Variants in TULP4 observed in about 807,000 individuals in gnomAD.
TULP4 encodes the protein tubby-related protein 4.
TULP4 carries 16 observed loss-of-function variants against 129.0 expected under a neutral mutation model. The observed-to-expected ratio is 0.12, with a 90% CI of 0.08 to 0.19. The LOEUF (loss-of-function observed/expected upper bound fraction) is 0.19, where lower values mean the gene tolerates loss of function less well. TULP4 is among the 10% of genes least tolerant of loss of function. TULP4 has a pLI of 1.00. For synonymous variants in TULP4, 998 were observed against 854.0 expected, an observed-to-expected ratio of 1.17 and a Z score of -2.94; for missense variants, 1,842 against 2,059.1, an observed-to-expected ratio of 0.89 and a Z score of 2.04.
At chr6:158,289,827 C>A (rs1186483113) in intron 1 of TULP4, among the ~76,000 whole-genome samples, 1 of 152,068 alleles carries the variant, frequency 6.6e-6, no homozygotes. Flanking sequence ...GCAGTCCTCC[C>A]ACCCTGGCCT....
chr6:158,323,064 C>T (rs989882613), intron 1 of TULP4, among the ~76,000 whole-genome samples: 2 of 152,116 alleles, frequency 1.3e-5, no homozygotes, highest in African/African-American at 4.8e-5. Context: ...CACTTCGTTC[C>T]CCAGCCCCAA....
intron 1 of TULP4, among the ~76,000 whole-genome samples, chr6:158,267,442 C>G (rs1778466212): frequency 6.6e-6 from 1 of 152,116 alleles, no homozygotes; most frequent in Non-Finnish European, 1.5e-5. Flanking sequence ...ACAGAGTAAC[C>G]AAAGGAGGTT....
intron 1 of TULP4, among the ~76,000 whole-genome samples, chr6:158,296,476 G>C (rs1007892887): frequency 1.3e-5 from 2 of 152,058 alleles, no homozygotes; most frequent in African/African-American, 4.8e-5. Flanking sequence ...AAAAGGGAAG[G>C]GGGTGTAAGA....
chr6:158,282,485 T>C (rs1322140586), intron 1 of TULP4: 1 of 152,002 alleles, frequency 6.6e-6, no homozygotes, highest in Non-Finnish European at 1.5e-5. Flanking sequence ...ATTATAACCT[T>C]TGACTGAAAT....
chr6:158,433,511 G>A (rs375374341), intron 3 of TULP4, among the ~76,000 whole-genome samples: 4 of 152,108 alleles, frequency 2.6e-5, no homozygotes, highest in Admixed American at 2.0e-4. Flanking sequence ...TCAGGAGATC[G>A]AGACCATCCT....
chr6:158,240,177 C>G (rs1777846463), intron 1 of TULP4, among the ~76,000 whole-genome samples: 1 of 65,758 alleles, frequency 1.5e-5, no homozygotes, highest in Non-Finnish European at 3.5e-5. Context: ...GGCTGTCCCC[C>G]CCACCTCCCT....
chr6:158,484,265 G>T (rs1408075186), intron 8 of TULP4, among the ~76,000 whole-genome samples: 1 of 151,108 alleles, frequency 6.6e-6, no homozygotes, highest in Admixed American at 6.6e-5. Context: ...TTTAAAAGGA[G>T]GCAGGGTCTT....
At chr6:158,240,294 G>A (rs1310607638) in intron 1 of TULP4, among the ~76,000 whole-genome samples, 7 of 85,846 alleles carry the variant, frequency 8.2e-5, no homozygotes, top group African/African-American at 2.8e-4. Flanking sequence ...AGGGGTGGCC[G>A]GGCAGAGGCG....
At chr6:158,339,431 C>T (rs956874026) in intron 1 of TULP4, among the ~76,000 whole-genome samples, 64 of 152,290 alleles carry the variant, frequency 4.2e-4, no homozygotes, top group African/African-American at 1.5e-3. Context: ...AGCAGAGAAC[C>T]GGTCTGACTA....
At chr6:158,246,322 T>C (rs748737114) in intron 1 of TULP4, among the ~76,000 whole-genome samples, 4 of 151,890 alleles carry the variant, frequency 2.6e-5, no homozygotes, top group Non-Finnish European at 5.9e-5. Context: ...ACCCAGTCTC[T>C]ACTAAAAATA....
intron 9 of TULP4, among the ~76,000 whole-genome samples, chr6:158,490,942 G>C (rs1011837641): frequency 6.6e-6 from 1 of 152,104 alleles, no homozygotes; most frequent in Non-Finnish European, 1.5e-5. Flanking sequence ...GATATTTGTA[G>C]TTTCCAGTTT....
Position 158,479,944 on chromosome 6 carries a change from A to G in TULP4, c.1220A>G (p.Tyr407Cys), listed in dbSNP as rs780838821. ...KLTLPPRLCS[Y>C]LSTAFIPTIK... ...ACTCTGCCCCCCCGCCTCTGCTCCT[A>G]CCTCTCCACTGCCTTCATCCCCACC... Residue 407 changes from tyrosine (Y) to cysteine (C), a missense_variant, in exon 7 of 14, where the codon TAC becomes TGC. By Grantham distance (194) the Tyr-to-Cys change is radical. Transcript: ENST00000367097. 3.1e-6 allele frequency: 5 copies of G among 1,609,156 alleles called. No individual in the cohort carries two copies. The highest frequency in any genetic ancestry group is 1.1e-5 in the South Asian group (1 of 90,974).
chr6:158,285,584 A>G (rs185917128), intron 1 of TULP4, among the ~76,000 whole-genome samples: 29 of 152,176 alleles, frequency 1.9e-4, no homozygotes, highest in Admixed American at 1.7e-3. Flanking sequence ...CCACCCTGAG[A>G]TTCTCTCTGT....
intron 1 of TULP4, among the ~76,000 whole-genome samples, chr6:158,365,683 A>G (rs1459134944): frequency 1.1e-4 from 16 of 150,346 alleles, no homozygotes; most frequent in East Asian, 2.0e-4. Context: ...ATGTTAGCCA[A>G]TAGGGTCTCG....
At position 158,506,783 on chromosome 6, in the gene TULP4, C is replaced by T; in HGVS notation, c.*89C>T. On this transcript the variant is annotated 3_prime_UTR_variant, in exon 14 of 14. Transcript: ENST00000367097. Reference sequence around the variant, plus strand: ...GAGGAGCCCTCTAGGGGTCCGATGCCTGGGAGGACCAGAAGCCAACAGCAA... The same window carrying T: ...GAGGAGCCCTCTAGGGGTCCGATGCTTGGGAGGACCAGAAGCCAACAGCAA... 1.1e-6 allele frequency: 1 copy of T among 895,538 alleles called. No individual in the cohort carries two copies. The highest frequency in any genetic ancestry group is 1.5e-5 in the South Asian group (1 of 68,888). 55.5% of individuals were successfully genotyped at this position (895,538 alleles called of 1,614,324 possible).
intron 8 of TULP4, among the ~76,000 whole-genome samples, chr6:158,483,058 G>A (rs561248361): frequency 4.6e-5 from 7 of 152,198 alleles, no homozygotes; most frequent in Non-Finnish European, 1.0e-4. Flanking sequence ...TTTAGTCAGT[G>A]CCTACCTTGT....
At chr6:158,435,498 T>C (rs1778730886) in intron 3 of TULP4, among the ~76,000 whole-genome samples, 1 of 152,132 alleles carries the variant, frequency 6.6e-6, no homozygotes. Flanking sequence ...CCCATCGCTG[T>C]CATCTCCCTC....
intron 1 of TULP4, among the ~76,000 whole-genome samples, chr6:158,411,260 G>A (rs759860029): frequency 6.6e-6 from 1 of 151,834 alleles, no homozygotes; most frequent in Non-Finnish European, 1.5e-5. Flanking sequence ...CATAATTGCT[G>A]TGTGTCAGTA....
At chr6:158,368,163 C>T (rs970727596) in intron 1 of TULP4, among the ~76,000 whole-genome samples, 2 of 150,530 alleles carry the variant, frequency 1.3e-5, no homozygotes, top group African/African-American at 4.9e-5. Flanking sequence ...TCTGTGATTC[C>T]TCTTGATTGG....
Sources: gnomAD v4.1 joint callset for allele counts (sites outside exome capture counted in the v4.1 genomes callset) on GRCh38, gnomAD v4.1.1 for gene constraint, MANE v1.5 for transcripts, NCBI Gene and HGNC (gene_info 2026-07-23, HGNC 2026-07-21) for gene names.